Variants in LDB2 observed in about 807,000 individuals in gnomAD.
LDB2 encodes the protein LIM domain binding 2.
In LDB2, 12 loss-of-function variants were observed where a neutral mutation model predicts 44.3. The observed-to-expected ratio is 0.27, with a 90% CI of 0.17 to 0.44. The LOEUF is 0.44. Ranked by LOEUF, LDB2 falls within the 20% of genes least tolerant of loss-of-function variation. The pLI, the probability that LDB2 is intolerant of heterozygous loss-of-function variation, is 1.00. For missense variants in LDB2, 344 were observed against 473.5 expected, an observed-to-expected ratio of 0.73 and a Z score of 2.54; for synonymous variants, 164 against 174.8, an observed-to-expected ratio of 0.94 and a Z score of 0.49.
At chr4:16,888,691 T>C in intron 1 of LDB2, 14 of 983,226 alleles carry the variant, frequency 1.4e-5, no homozygotes, top group Non-Finnish European at 1.7e-5. Flanking sequence ...AATTTGCTGA[T>C]AGAATCCAGA....
chr4:16,755,693 C>T (rs78286885), intron 2 of LDB2, among the ~76,000 whole-genome samples: 2,682 of 152,258 alleles, frequency 0.018, 68 homozygotes, highest in African/African-American at 0.061. Flanking sequence ...CTTTATTCTA[C>T]TGACCTGCTG....
At chr4:16,775,329 T>C (rs1003524478) in intron 1 of LDB2, among the ~76,000 whole-genome samples, 2 of 152,178 alleles carry the variant, frequency 1.3e-5, no homozygotes, top group Non-Finnish European at 2.9e-5. Context: ...ATAATGCATC[T>C]TACAAATACA....
At chr4:16,639,640 T>C (rs1333502149) in intron 2 of LDB2, among the ~76,000 whole-genome samples, 4 of 152,224 alleles carry the variant, frequency 2.6e-5, no homozygotes, top group African/African-American at 9.6e-5. Flanking sequence ...TTTGTATTTT[T>C]AGTAGAGACG....
At chr4:16,870,289 G>A (rs1044314669) in intron 1 of LDB2, among the ~76,000 whole-genome samples, 14 of 152,180 alleles carry the variant, frequency 9.2e-5, no homozygotes, top group Admixed American at 5.2e-4. Flanking sequence ...AAAAAGGAGC[G>A]AAGGCTTATC....
intron 2 of LDB2, among the ~76,000 whole-genome samples, chr4:16,736,026 T>G (rs1208206817): frequency 3.9e-5 from 6 of 152,150 alleles, no homozygotes; most frequent in Admixed American, 3.9e-4. Flanking sequence ...CCACAGTGTC[T>G]GGGCAGCAGC....
chr4:16,782,803 AC>A (rs552290984), intron 1 of LDB2, among the ~76,000 whole-genome samples: 20 of 152,348 alleles, frequency 1.3e-4, no homozygotes, highest in African/African-American at 4.3e-4. Context: ...AAATAAGAAG[AC>A]AAAATTCTGT....
In LDB2 at chr4:16,582,282, CA is replaced by C. The variant is rs1242193398; in HGVS notation, c.615+3639del. Among the ~76,000 whole-genome samples, 2 of 152,176 alleles carry C rather than the reference CA, an allele frequency of 1.3e-5. No individual in the cohort carries two copies. Among genetic ancestry groups the C allele is most frequent in the East Asian group, 3.8e-4 (2 of 5,200 alleles). On this transcript the variant is annotated intron_variant, in intron 5 of 7. Transcript: ENST00000304523. The surrounding 1 kb of genome is among the most constrained non-coding windows in gnomAD (Gnocchi z 4.8). ...GTGAAATGAACAATGAATAAATGGGCAAACAGGATCTGGTGGGAACTGACAA... is the reference window on the plus strand; with the variant it reads ...GTGAAATGAACAATGAATAAATGGGCAACAGGATCTGGTGGGAACTGACAA...
intron 7 of LDB2, among the ~76,000 whole-genome samples, chr4:16,507,580 T>C (rs1480439767): frequency 2.0e-5 from 3 of 151,942 alleles, no homozygotes; most frequent in African/African-American, 7.3e-5. Flanking sequence ...TTGTACTGGT[T>C]GAGGGATGTA....
chr4:16,850,460 C>A lies in LDB2; in HGVS notation c.132+47894G>T, dbSNP rs76119854. Among the ~76,000 whole-genome samples the A allele has an allele frequency of 7.0e-3, 1,058 of 152,230 alleles. 11 individuals are homozygous for A. Among genetic ancestry groups the A allele is most frequent in the African/African-American group, 0.024 (1,004 of 41,534 alleles). On this transcript the variant is annotated intron_variant, in intron 1 of 7. Coordinates refer to ENST00000304523, the MANE Select transcript of LDB2 (RefSeq NM_001290.5). ...ATGGAAAAGCTCCTGAAAGCCTTGG[C>A]ACCCAGTAGATAGATATTTAATTTA...
intron 2 of LDB2, among the ~76,000 whole-genome samples, chr4:16,723,969 C>T (rs16893888): frequency 0.024 from 3,703 of 152,194 alleles, 163 homozygotes; most frequent in African/African-American, 0.084. Flanking sequence ...TCCATTCAAA[C>T]GACAGTGCCA....
intron 1 of LDB2, among the ~76,000 whole-genome samples, chr4:16,787,406 AG>A (rs1774681171): frequency 6.6e-6 from 1 of 152,184 alleles, no homozygotes; most frequent in African/African-American, 2.4e-5. Flanking sequence ...CGAGGTCAGG[AG>A]TTCGAGACCA....
At chr4:16,649,166 C>A (rs1378638993) in intron 2 of LDB2, among the ~76,000 whole-genome samples, 3 of 152,284 alleles carry the variant, frequency 2.0e-5, no homozygotes, top group African/African-American at 7.2e-5. Context: ...ACCCTGAATT[C>A]TTTTCTGTCA....
chr4:16,537,281 C>G (rs1444516502), intron 5 of LDB2, among the ~76,000 whole-genome samples: 2 of 152,106 alleles, frequency 1.3e-5, no homozygotes, highest in Non-Finnish European at 2.9e-5. Context: ...ACTAAGAAAC[C>G]AATGATTTCC....
chr4:16,809,468 G>A (rs1238583314), intron 1 of LDB2, among the ~76,000 whole-genome samples: 1 of 152,088 alleles, frequency 6.6e-6, no homozygotes, highest in Non-Finnish European at 1.5e-5. Flanking sequence ...TTAAAGACTG[G>A]GCAGATGCAG....
chr4:16,745,516 C>T (rs73799263), intron 2 of LDB2, among the ~76,000 whole-genome samples: 86 of 152,324 alleles, frequency 5.6e-4, no homozygotes, highest in African/African-American at 2.0e-3. Flanking sequence ...TGAAGTTCAT[C>T]TCCTGGCAGT....
chr4:16,690,082 G>C (rs760960928), intron 2 of LDB2, among the ~76,000 whole-genome samples: 2 of 152,098 alleles, frequency 1.3e-5, no homozygotes, highest in South Asian at 4.2e-4. Flanking sequence ...AAGATGGTTG[G>C]GCTAATTTTT....
intron 1 of LDB2, among the ~76,000 whole-genome samples, chr4:16,868,851 C>A (rs1274826286): frequency 6.6e-6 from 1 of 151,880 alleles, no homozygotes; most frequent in Non-Finnish European, 1.5e-5. Flanking sequence ...TTGGTGATAA[C>A]GATGATGATG....
chr4:16,835,084 A>C (rs1482710339), intron 1 of LDB2, among the ~76,000 whole-genome samples: 1 of 152,178 alleles, frequency 6.6e-6, no homozygotes, highest in East Asian at 1.9e-4. Flanking sequence ...ACAATGAAGG[A>C]ATTGCTAATT....
At chr4:16,612,563 A>G (rs939398402) in intron 2 of LDB2, among the ~76,000 whole-genome samples, 53 of 152,236 alleles carry the variant, frequency 3.5e-4, no homozygotes, top group Admixed American at 3.1e-3. Context: ...ACAAACTACC[A>G]TCAGAGAATA....
Sources: allele counts gnomAD v4.1 joint callset (sites outside exome capture counted in the v4.1 genomes callset), GRCh38; gene constraint gnomAD v4.1.1; non-coding constraint Gnocchi (gnomAD v3.1); transcripts MANE v1.5; gene names NCBI Gene and HGNC (gene_info 2026-07-23, HGNC 2026-07-21).